The following SYNDIG1L variants were observed in gnomAD, a reference collection of about 807,000 sequenced individuals.
SYNDIG1L encodes the protein synapse differentiation inducing 1 like, also known as synapse differentiation-inducing gene protein 1-like.
A neutral mutation model predicts 20.1 loss-of-function variants in SYNDIG1L; 13 were observed. The observed-to-expected ratio is 0.65, with a 90% CI of 0.42 to 1.03. SYNDIG1L has a LOEUF of 1.03. Ranked by LOEUF, SYNDIG1L falls within the 50% of genes least tolerant of loss-of-function variation. SYNDIG1L has a pLI of 0.00. For missense variants in SYNDIG1L, 294 were observed against 305.1 expected, an observed-to-expected ratio of 0.96 and a Z score of 0.27; for synonymous variants, 128 against 129.3, an observed-to-expected ratio of 0.99 and a Z score of 0.07.
At chr14:74,411,797 C>G (rs530082476) in intron 1 of SYNDIG1L, among the ~76,000 whole-genome samples, 2 of 152,194 alleles carry the variant, frequency 1.3e-5, no homozygotes, top group African/African-American at 4.8e-5. Context: ...TGGCTCTCAG[C>G]TCTGAATCCA....
At chr14:74,451,715 G>A in the SYNDIG1L span, among the ~76,000 whole-genome samples, 1 of 152,136 alleles carries the variant, frequency 6.6e-6, no homozygotes, top group Non-Finnish European at 1.5e-5. Context: ...CTGTAGGCCG[G>A]GTACGGTGGC....
the SYNDIG1L span, among the ~76,000 whole-genome samples, chr14:74,440,906 G>C: frequency 6.6e-6 from 1 of 152,188 alleles, no homozygotes; most frequent in African/African-American, 2.4e-5. Context: ...TTGGAGATAA[G>C]TCCCCAGTCT....
the SYNDIG1L span, among the ~76,000 whole-genome samples, chr14:74,442,142 C>T: frequency 6.6e-6 from 1 of 151,752 alleles, no homozygotes; most frequent in South Asian, 2.1e-4. Flanking sequence ...ATTCATTCTA[C>T]AAATATCTGT....
intron 1 of SYNDIG1L, among the ~76,000 whole-genome samples, chr14:74,422,870 G>A (rs977042625): frequency 6.6e-6 from 1 of 151,670 alleles, no homozygotes; most frequent in South Asian, 2.1e-4. Context: ...GCTACTTTTT[G>A]TACTTTTAGT....
At chr14:74,433,087 C>A in the SYNDIG1L span, among the ~76,000 whole-genome samples, 1 of 152,092 alleles carries the variant, frequency 6.6e-6, no homozygotes, top group East Asian at 1.9e-4. Context: ...TTCATCTTAA[C>A]AATACTTCAT....
At chr14:74,434,000 G>A in the SYNDIG1L span, among the ~76,000 whole-genome samples, 5 of 152,106 alleles carry the variant, frequency 3.3e-5, no homozygotes, top group Non-Finnish European at 5.9e-5. Context: ...AATATCATGG[G>A]AGAAATGCTT....
chr14:74,420,637 G>A (rs979537729), intron 1 of SYNDIG1L, among the ~76,000 whole-genome samples: 1 of 152,138 alleles, frequency 6.6e-6, no homozygotes, highest in Admixed American at 6.5e-5. Context: ...AGGGGAGGCT[G>A]CTGCCGGTTC....
chr14:74,429,371 G>T (rs1219079075), upstream of SYNDIG1L, among the ~76,000 whole-genome samples: 2 of 152,350 alleles, frequency 1.3e-5, no homozygotes, highest in South Asian at 2.1e-4. Context: ...AGCTCCGGCT[G>T]CTAATCTCTT....
chr14:74,477,118 A>AACACACACACAC, the SYNDIG1L span, among the ~76,000 whole-genome samples: 68 of 83,144 alleles, frequency 8.2e-4, 4 homozygotes, highest in South Asian at 1.3e-3. Context: ...CCCCATTCCC[A>AACACACACACAC]ACACACACAC....
the SYNDIG1L span, among the ~76,000 whole-genome samples, chr14:74,435,999 A>G: frequency 1.3e-5 from 2 of 152,322 alleles, no homozygotes; most frequent in African/African-American, 2.4e-5. Flanking sequence ...CCTCAAACCC[A>G]TTATCACTGA....
chr14:74,419,516 T>C (rs988139911), intron 1 of SYNDIG1L, among the ~76,000 whole-genome samples: 9 of 152,216 alleles, frequency 5.9e-5, no homozygotes, highest in African/African-American at 1.7e-4. Flanking sequence ...CACATTTGGT[T>C]CTGCACAATA....
chr14:74,439,665 G>A, the SYNDIG1L span, among the ~76,000 whole-genome samples: 1 of 152,060 alleles, frequency 6.6e-6, no homozygotes, highest in Non-Finnish European at 1.5e-5. Context: ...CGGATCACCT[G>A]AGGTCGGGAG....
At chr14:74,432,373 C>G in the SYNDIG1L span, among the ~76,000 whole-genome samples, 69 of 152,160 alleles carry the variant, frequency 4.5e-4, no homozygotes, top group Non-Finnish European at 9.0e-4. Context: ...CATCTCTCCT[C>G]CACACCCTGG....
At chr14:74,409,278 C>G (rs2086110846) in intron 2 of SYNDIG1L, 50 bp downstream of exon 2, 1 of 1,286,350 alleles carries the variant, frequency 7.8e-7, no homozygotes, top group Non-Finnish European at 1.0e-6. Flanking sequence ...GAGTCGGGGT[C>G]TCCTTGTGTT....
At chr14:74,473,856 G>A in the SYNDIG1L span, among the ~76,000 whole-genome samples, 15 of 152,190 alleles carry the variant, frequency 9.9e-5, no homozygotes, top group Non-Finnish European at 1.5e-4. Context: ...CTATACCCTC[G>A]GAACTAGAAG....
At chr14:74,441,206 T>C in the SYNDIG1L span, among the ~76,000 whole-genome samples, 1 of 152,220 alleles carries the variant, frequency 6.6e-6, no homozygotes, top group Non-Finnish European at 1.5e-5. Flanking sequence ...TTGTTTTGTT[T>C]TTAATCCTGG....
chr14:74,435,651 T>C, the SYNDIG1L span, among the ~76,000 whole-genome samples: 2 of 152,208 alleles, frequency 1.3e-5, no homozygotes, highest in East Asian at 3.8e-4. Flanking sequence ...ATAAGTTCTA[T>C]TTTTGTAGGT....
intron 1 of SYNDIG1L, among the ~76,000 whole-genome samples, chr14:74,417,028 T>G (rs1198875071): frequency 3.3e-5 from 5 of 152,222 alleles, no homozygotes; most frequent in Non-Finnish European, 5.9e-5. Flanking sequence ...CAGCTACCAT[T>G]ATTGGGTGCT....
chr14:74,480,000 G>C, the SYNDIG1L span: 1 of 1,411,812 alleles, frequency 7.1e-7, no homozygotes, highest in Non-Finnish European at 9.2e-7. Context: ...GGTGTAGAAA[G>C]AGGCCACAAG....
Sources: gnomAD v4.1 joint callset for allele counts (sites outside exome capture counted in the v4.1 genomes callset) on GRCh38, gnomAD v4.1.1 for gene constraint, MANE v1.5 for transcripts, NCBI Gene and HGNC (gene_info 2026-07-23, HGNC 2026-07-21) for gene names.